Variants in PTPRR observed in about 807,000 individuals in gnomAD.
The protein encoded by PTPRR is protein tyrosine phosphatase receptor type R.
A neutral mutation model predicts 77.2 loss-of-function variants in PTPRR; 38 were observed. The observed-to-expected ratio is 0.49, with a 90% CI of 0.38 to 0.65. The LOEUF (loss-of-function observed/expected upper bound fraction) is 0.65. PTPRR is among the 30% of genes least tolerant of loss of function. The pLI is 0.00. For missense variants in PTPRR, 744 were observed against 799.2 expected (o/e 0.93, Z 0.83); for synonymous variants, 299 against 283.1 (o/e 1.06, Z -0.57).
intron 2 of PTPRR, among the ~76,000 whole-genome samples, chr12:70,771,463 G>A (rs1216502087): frequency 6.6e-6 from 1 of 151,924 alleles, no homozygotes; most frequent in African/African-American, 2.4e-5. Context: ...CTGGGTGATG[G>A]GATCATCTGC....
At chr12:70,650,151 T>C (rs1453350114) in intron 13 of PTPRR, among the ~76,000 whole-genome samples, 1 of 152,092 alleles carries the variant, frequency 6.6e-6, no homozygotes, top group African/African-American at 2.4e-5. Context: ...TTCGAAGAAA[T>C]ATAGTGTAGG....
intron 2 of PTPRR, among the ~76,000 whole-genome samples, chr12:70,809,175 C>T (rs1891764648): frequency 6.6e-6 from 1 of 152,188 alleles, no homozygotes; most frequent in African/African-American, 2.4e-5. Context: ...ATAAAAAAGA[C>T]AGGCAGTAGA....
intron 5 of PTPRR, among the ~76,000 whole-genome samples, chr12:70,753,395 CAT>C (rs1280839878): frequency 6.6e-6 from 1 of 152,084 alleles, no homozygotes; most frequent in East Asian, 1.9e-4. Context: ...TTAAAAAGAA[CAT>C]AGCTCACAGG....
intron 10 of PTPRR, among the ~76,000 whole-genome samples, chr12:70,677,337 A>G (rs755671311): frequency 1.3e-5 from 2 of 152,130 alleles, no homozygotes; most frequent in Non-Finnish European, 2.9e-5. Context: ...AGGGTTTTCC[A>G]TATATATGAT....
At chr12:70,689,570 C>T (rs1887986337) in intron 8 of PTPRR, among the ~76,000 whole-genome samples, 1 of 152,116 alleles carries the variant, frequency 6.6e-6, no homozygotes, top group Non-Finnish European at 1.5e-5. Context: ...ATTGTTTATA[C>T]GTATCTTCCG....
At position 70,672,364 on chromosome 12, in the gene PTPRR, C is replaced by A. The variant is rs531467082; in HGVS notation, c.1498-9759G>T. 1.2e-5 allele frequency: 17 copies of A among 1,384,696 alleles called. No homozygotes were observed. The Admixed American group carries it at 2.9e-4, about 23-fold the overall frequency. 85.8% of individuals were successfully genotyped at this position (1,384,696 alleles called of 1,614,324 possible). A position where few individuals can be genotyped will look rare whatever the true frequency, so the allele number is the denominator to read the frequency against. On this transcript the variant is annotated intron_variant, in intron 10 of 13. Coordinates refer to ENST00000283228, the MANE Select transcript of PTPRR (RefSeq NM_002849.4). ...TGGAGCCCTATGATGAGATGGTCCT[C>A]CCATCAGAGAGCCAGGAGGTAGACT...
In PTPRR at chr12:70,684,242, G is replaced by T. The variant is rs1477305022; in HGVS notation, c.1382C>A (p.Ala461Asp). Residue 461 changes from alanine to aspartate, a missense_variant, in exon 10 of 14, where the codon GCC becomes GAC. By Grantham distance (126) the Ala-to-Asp change is moderately radical. Coordinates refer to ENST00000283228, the MANE Select transcript of PTPRR (RefSeq NM_002849.4). ...YIRGYSGKEK[A>D]FIATQGPMIN... ...CATGGGGCCCTGCGTGGCAATGAAG[G>T]CTTTCTCCTTGCCACTGTAGCCCTA... 16 of 1,613,146 alleles carry T rather than the reference G, an allele frequency of 9.9e-6. No homozygotes were observed. The highest frequency in any genetic ancestry group is 1.3e-5 in the African/African-American group (1 of 74,804).
At chr12:70,845,909 A>G (rs1452759140) in intron 2 of PTPRR, among the ~76,000 whole-genome samples, 1 of 152,122 alleles carries the variant, frequency 6.6e-6, no homozygotes, top group Admixed American at 6.6e-5. Context: ...CTGAATTTGG[A>G]TTTATGACCA....
intron 2 of PTPRR, among the ~76,000 whole-genome samples, chr12:70,780,753 G>A (rs1348086464): frequency 1.3e-5 from 2 of 152,106 alleles, no homozygotes; most frequent in Non-Finnish European, 2.9e-5. Context: ...TATTCTGTGT[G>A]GTAGCAGTTT....
At chr12:70,753,527 A>G (rs1395793030) in intron 5 of PTPRR, among the ~76,000 whole-genome samples, 1 of 152,152 alleles carries the variant, frequency 6.6e-6, no homozygotes, top group Non-Finnish European at 1.5e-5. Context: ...TCAATGCCAA[A>G]TAGTACTGCT....
At chr12:70,702,487 T>C (rs1260411195) in intron 6 of PTPRR, among the ~76,000 whole-genome samples, 1 of 152,156 alleles carries the variant, frequency 6.6e-6, no homozygotes. Context: ...AGCAAATTAT[T>C]CCCTCTGGTA....
intron 10 of PTPRR, chr12:70,673,037 AAAAAAAAAAAAAG>A: frequency 9.1e-7 from 1 of 1,092,914 alleles, no homozygotes; most frequent in South Asian, 1.6e-5. Flanking sequence ...AAAGCAAAAA[AAAAAAAAAAAAAG>A]AAAGAAAGAA....
chr12:70,815,164 T>C (rs1164665549), intron 2 of PTPRR, among the ~76,000 whole-genome samples: 1 of 48,866 alleles, frequency 2.0e-5, no homozygotes, highest in African/African-American at 3.7e-5. Flanking sequence ...GTGTCACTTC[T>C]AGAAAAAAAA....
intron 2 of PTPRR, among the ~76,000 whole-genome samples, chr12:70,800,970 C>T (rs1477897350): frequency 1.3e-5 from 2 of 151,798 alleles, no homozygotes; most frequent in Non-Finnish European, 2.9e-5. Flanking sequence ...CTTCTCCCCA[C>T]AAACCCCACC....
intron 2 of PTPRR, among the ~76,000 whole-genome samples, chr12:70,886,971 T>C (rs1220242963): frequency 4.6e-5 from 7 of 152,236 alleles, no homozygotes; most frequent in Admixed American, 4.6e-4. Flanking sequence ...AGAAAAATAA[T>C]GTAGGCAGGT....
chr12:70,645,983 C>A (rs770978788), intron 13 of PTPRR, among the ~76,000 whole-genome samples: 1 of 152,152 alleles, frequency 6.6e-6, no homozygotes, highest in African/African-American at 2.4e-5. Context: ...CCTTTCCTGT[C>A]GTACCGCCCA....
At chr12:70,727,226 T>C (rs1273632458) in intron 6 of PTPRR, among the ~76,000 whole-genome samples, 1 of 152,166 alleles carries the variant, frequency 6.6e-6, no homozygotes, top group Non-Finnish European at 1.5e-5. Flanking sequence ...GTCCCGATTT[T>C]TTTTTTTCTC....
chr12:70,910,565 A>T (rs1893685801), intron 1 of PTPRR, among the ~76,000 whole-genome samples: 1 of 152,178 alleles, frequency 6.6e-6, no homozygotes, highest in African/African-American at 2.4e-5. Context: ...TGAGAGGAAG[A>T]CTTTTTATTA....
intron 8 of PTPRR, among the ~76,000 whole-genome samples, chr12:70,692,797 CT>C (rs1888099173): frequency 6.6e-6 from 1 of 152,122 alleles, no homozygotes; most frequent in East Asian, 1.9e-4. Context: ...CTCTTCTTTG[CT>C]TGGGTCCCCT....
Sources: gnomAD v4.1 joint callset for allele counts (sites outside exome capture counted in the v4.1 genomes callset) on GRCh38, gnomAD v4.1.1 for gene constraint, MANE v1.5 for transcripts, NCBI Gene and HGNC (gene_info 2026-07-23, HGNC 2026-07-21) for gene names.